The following AHNAK2 variants were observed in gnomAD, a reference collection of about 807,000 sequenced individuals.
The protein encoded by AHNAK2 is AHNAK nucleoprotein 2, also known as protein AHNAK2.
Under a neutral mutation model 30.7 loss-of-function variants are expected in AHNAK2, and 18 were observed. That is an observed-to-expected ratio of 0.59 (90% CI 0.41 to 0.87). The LOEUF (loss-of-function observed/expected upper bound fraction) is 0.87, where lower values mean the gene tolerates loss of function less well. Among genes scored for constraint, AHNAK2 ranks in the 40% least tolerant of loss-of-function variants. AHNAK2 has a pLI of 0.00. For missense variants in AHNAK2, 8,604 were observed against 7,373.0 expected, an observed-to-expected ratio of 1.17 and a Z score of -6.11; for synonymous variants, 3,590 against 3,073.8, an observed-to-expected ratio of 1.17 and a Z score of -5.56.
At position 104,952,419 on chromosome 14, in the gene AHNAK2, G is replaced by A. The variant is rs751041412; in HGVS notation, c.3032C>T (p.Ser1011Leu). ...PKFKMPSFGV[S>L]APGKSIKALV... Reference sequence around the variant, plus strand: ...GGCCTTGATGGACTTCCCTGGGGCCGATACCCCGAACGACGGCATCTTGAA... The same window carrying A: ...GGCCTTGATGGACTTCCCTGGGGCCAATACCCCGAACGACGGCATCTTGAA... The change falls in exon 7 of 7, where the codon TCG (serine) becomes TTG (leucine). Residue 1011 changes from serine (S) to leucine (L), a missense_variant. Coordinates refer to ENST00000333244, the MANE Select transcript of AHNAK2 (RefSeq NM_138420.4). 85 of 1,612,558 alleles carry A rather than the reference G, an allele frequency of 5.3e-5. 2 individuals are homozygous for A. In the South Asian group the frequency reaches 6.6e-4, roughly 13 times the overall value.
intron 1 of AHNAK2, among the ~76,000 whole-genome samples, chr14:104,976,350 C>T (rs1016568241): frequency 9.2e-5 from 14 of 152,108 alleles, no homozygotes; most frequent in Non-Finnish European, 1.5e-4. Flanking sequence ...CCTGGTGTGT[C>T]GGGCAGAGGG....
At chr14:104,976,025 G>A (rs1011420538) in intron 1 of AHNAK2, among the ~76,000 whole-genome samples, 6 of 152,152 alleles carry the variant, frequency 3.9e-5, no homozygotes, top group African/African-American at 1.4e-4. Context: ...ACCACCTGGG[G>A]CCTTCCCAAC....
intron 1 of AHNAK2, among the ~76,000 whole-genome samples, chr14:104,971,396 C>T (rs1156417766): frequency 6.6e-6 from 1 of 152,144 alleles, no homozygotes; most frequent in Non-Finnish European, 1.5e-5. Flanking sequence ...GCTGCAGGCA[C>T]ACACCAGCAC....
In AHNAK2 at chr14:104,954,637, C is replaced by G; in HGVS notation, c.814G>C (p.Gly272Arg). The G allele has an allele frequency of 6.2e-7, 1 of 1,612,778 alleles. No individual in the cohort carries two copies. Among genetic ancestry groups the G allele is most frequent in the Non-Finnish European group, 8.5e-7 (1 of 1,179,690 alleles). Residue 272 changes from glycine to arginine, a missense_variant, in exon 7 of 7, where the codon GGG becomes CGG. Physicochemically the swap from Gly to Arg is moderately radical, Grantham distance 125. Transcript: ENST00000333244. The surrounding 1 kb of genome is among the most constrained non-coding windows in gnomAD (Gnocchi z 4.3). ...CTGTGTGACCTCTGGGGTCCCGGCC[C>G]CCGCTTGCTCTTTATGGATTGAAAT... ...PKFQSIKSKRGPGPQRSHSSS... is the reference protein window; with the variant it reads ...PKFQSIKSKRRPGPQRSHSSS...
chr14:104,976,851 C>A (rs898807666), intron 1 of AHNAK2, among the ~76,000 whole-genome samples: 2 of 152,224 alleles, frequency 1.3e-5, no homozygotes, highest in Non-Finnish European at 2.9e-5. Flanking sequence ...GGGGGCCCTG[C>A]CCTTCTCCCT....
rs759746464 is a variant in AHNAK2 at position 104,942,718 on chromosome 14, G to C, written c.12733C>G (p.Leu4245Val). ...ATCACATCCGCCTTGGGGCCTTTCA[G>C]GTCCAGCTTGGGGCCCTTGACATCC... The part of the protein sequence containing the change: ...QVDVKGPKLD[L>V]KGPKADVMTP... The change falls in exon 7 of 7, where the codon CTG becomes GTG. Residue 4245 changes from leucine to valine, a missense_variant. Physicochemically the swap from Leu to Val is conservative, Grantham distance 32. Transcript: ENST00000333244. The C allele has an allele frequency of 1.9e-6, 3 of 1,613,318 alleles. No individual in the cohort carries two copies. The highest frequency in any genetic ancestry group is 1.1e-5 in the South Asian group (1 of 91,064).
In AHNAK2 at chr14:104,938,376, T is replaced by A. The variant is rs535748399; in HGVS notation, c.17075A>T (p.Glu5692Val). Residue 5692 changes from glutamate to valine, a missense_variant, in exon 7 of 7, where the codon GAG becomes GTG. Physicochemically the swap from Glu to Val is moderately radical, Grantham distance 121. Coordinates refer to ENST00000333244, the MANE Select transcript of AHNAK2 (RefSeq NM_138420.4). ...RPEAELPKKQEKAGWFRFPKL... is the reference protein window; with the variant it reads ...RPEAELPKKQVKAGWFRFPKL... ...GGGAAATCGGAACCAGCCTGCCTTC[T>A]CCTGTTTTTTAGGCAGTTCTGCCTC... is the stretch of plus-strand genomic sequence containing the variant. The A allele has an allele frequency of 6.2e-7, 1 of 1,613,956 alleles. No individual in the cohort carries two copies. Among genetic ancestry groups the A allele is most frequent in the Admixed American group, 1.7e-5 (1 of 60,010 alleles).
In AHNAK2 at chr14:104,938,643, C is replaced by T; in HGVS notation, c.16808G>A (p.Cys5603Tyr). Residue 5603 changes from cysteine (C) to tyrosine (Y), a missense_variant, in exon 7 of 7, where the codon TGT (cysteine) becomes TAT (tyrosine). Physicochemically the swap from Cys to Tyr is radical, Grantham distance 194. Coordinates refer to ENST00000333244, the MANE Select transcript of AHNAK2 (RefSeq NM_138420.4). ...AATTTCTGCTGGCTCCTCATCTGAA[C>T]AGCTGTCTGCAAGCTGGTGGCCAGA... Reference protein sequence around the residue: ...VPSGHQLADSCSDEEPAEILE... With the variant: ...VPSGHQLADSYSDEEPAEILE... The T allele has an allele frequency of 6.2e-7, 1 of 1,612,294 alleles. No individual in the cohort carries two copies.
rs138096840 is a variant in AHNAK2 at position 104,942,181 on chromosome 14, C to A, written c.13270G>T (p.Val4424Leu). Reference sequence around the variant, plus strand: ...TCCACCTCCATGCTGGGCAGAGACACGTCCAGGTTGGGGGACGTCACCTCC... The same window carrying A: ...TCCACCTCCATGCTGGGCAGAGACAAGTCCAGGTTGGGGGACGTCACCTCC... ...KVEVTSPNLD[V>L]SLPSMEVDIQ... Residue 4424 changes from valine to leucine, a missense_variant, in exon 7 of 7, where the codon GTG becomes TTG. Val to Leu is a conservative substitution (Grantham distance 32, BLOSUM62 1). Coordinates refer to ENST00000333244, the MANE Select transcript of AHNAK2 (RefSeq NM_138420.4). The A allele has an allele frequency of 6.2e-7, 1 of 1,612,852 alleles. No individual in the cohort carries two copies. Among genetic ancestry groups the A allele is most frequent in the African/African-American group, 1.3e-5 (1 of 74,578 alleles).
In AHNAK2 at chr14:104,946,788, T is replaced by G; in HGVS notation, c.8663A>C (p.Glu2888Ala). 1.9e-6 allele frequency: 3 copies of G among 1,612,664 alleles called. No individual in the cohort carries two copies. The highest frequency in any genetic ancestry group is 1.7e-6 in the Non-Finnish European group (2 of 1,179,594). The change falls in exon 7 of 7, where the codon GAG becomes GCG. Residue 2888 changes from glutamate (E) to alanine (A), a missense_variant. Glu to Ala is a moderately radical substitution (Grantham distance 107). Coordinates refer to ENST00000333244, the MANE Select transcript of AHNAK2 (RefSeq NM_138420.4). ...DVKLPEGHVP[E>A]GAGLKGHLPK... Reference sequence around the variant, plus strand: ...CAGGTGCCCTTTGAGGCCGGCTCCCTCGGGAACGTGGCCCTCTGGGAGTTT... The same window carrying G: ...CAGGTGCCCTTTGAGGCCGGCTCCCGCGGGAACGTGGCCCTCTGGGAGTTT...
Position 104,938,013 on chromosome 14 carries a change from C to G in AHNAK2, c.*50G>C. On this transcript the variant is annotated 3_prime_UTR_variant, in exon 7 of 7. Transcript: ENST00000333244. ...GCTCCATATGTGTGTGTAGCCTTTA[C>G]TTTCCAACTTAGTTTTTTGCATCTC... is the stretch of plus-strand genomic sequence containing the variant. 6.4e-7 allele frequency: 1 copy of G among 1,569,438 alleles called. No homozygotes were observed. Among genetic ancestry groups the G allele is most frequent in the South Asian group, 1.2e-5 (1 of 83,484 alleles).
rs1898320128 is a variant in AHNAK2 at position 104,947,069 on chromosome 14, C to T, written c.8382G>A (p.Arg2794=). The change falls in exon 7 of 7, where the codon CGG becomes CGA. Residue 2794 remains arginine (R), a synonymous_variant. Transcript: ENST00000333244. ...CGGCCAGGGACAGGTCCCCCTCCAG[C>T]CGCGCACCATCCAGCTTTGCTCTCG... ...QAPRAKLDGA[R]LEGDLSLADK... 1.2e-6 allele frequency: 2 copies of T among 1,612,606 alleles called. No homozygotes were observed. The highest frequency in any genetic ancestry group is 8.5e-7 in the Non-Finnish European group (1 of 1,179,638).
Position 104,947,373 on chromosome 14 carries a change from G to A in AHNAK2, c.8078C>T (p.Thr2693Ile). ...SLPSMQGDLK[T>I]TDISIQPPSA... ...GGGGGGCTGAATGCTGATGTCAGTG[G>A]TCTTAAGGTCCCCTTGCATGGAGGG... Residue 2693 changes from threonine to isoleucine, a missense_variant, in exon 7 of 7, where the codon ACC becomes ATC. By Grantham distance (89) the Thr-to-Ile change is moderately conservative. Coordinates refer to ENST00000333244, the MANE Select transcript of AHNAK2 (RefSeq NM_138420.4). 1 of 1,612,548 alleles carries A rather than the reference G, an allele frequency of 6.2e-7. No individual in the cohort carries two copies. Among genetic ancestry groups the A allele is most frequent in the Non-Finnish European group, 8.5e-7 (1 of 1,179,566 alleles).
rs770112172 is a variant in AHNAK2 at position 104,946,148 on chromosome 14, G to A, written c.9303C>T (p.Asp3101=). 31 of 1,611,934 alleles carry A rather than the reference G, an allele frequency of 1.9e-5. No individual in the cohort carries two copies. Among genetic ancestry groups the A allele is most frequent in the East Asian group, 8.9e-5 (4 of 44,774 alleles). The change falls in exon 7 of 7, where the codon GAC becomes GAT. Residue 3101 remains aspartate (D), a synonymous_variant. Transcript: ENST00000333244. ...KGPKTDVTAP[D]VEVSQPGMEV... ...CCATGCCGGGCTGAGACACCTCCAC[G>A]TCGGGGGCCGTCACGTCCGTCTTCG...
At chr14:104,977,747 C>A (rs1241155379) in intron 1 of AHNAK2, among the ~76,000 whole-genome samples, 3 of 152,174 alleles carry the variant, frequency 2.0e-5, no homozygotes, top group East Asian at 3.9e-4. Flanking sequence ...CCGGCGGCCC[C>A]GGCTTTCACG....
intron 4 of AHNAK2, 119 bp downstream of exon 4, chr14:104,956,469 G>C (rs1208860474): frequency 1.0e-6 from 1 of 986,748 alleles, no homozygotes; most frequent in Non-Finnish European, 1.6e-6. Flanking sequence ...CCTCCCCAGG[G>C]CACGGGGCAC....
In AHNAK2 at chr14:104,944,395, G is replaced by A; in HGVS notation, c.11056C>T (p.Leu3686Phe). The change falls in exon 7 of 7, where the codon CTC (leucine) becomes TTC (phenylalanine). Residue 3686 changes from leucine to phenylalanine, a missense_variant. Physicochemically the swap from Leu to Phe is conservative, Grantham distance 22. Transcript: ENST00000333244. ...TCGGCAGAAGGGGGCTGAATGCTGA[G>A]GTCAGTGGTCTTCAGGTCCCCCTGC... ...SMQGDLKTTD[L>F]SIQPPSADLK... 6.2e-7 allele frequency: 1 copy of A among 1,612,618 alleles called. No individual in the cohort carries two copies. Among genetic ancestry groups the A allele is most frequent in the Non-Finnish European group, 8.5e-7 (1 of 1,179,474 alleles).
chr14:104,948,434 G>T lies in AHNAK2; in HGVS notation c.7017C>A (p.Ala2339=), dbSNP rs1427901059. 2.5e-6 allele frequency: 4 copies of T among 1,610,898 alleles called. No individual in the cohort carries two copies. Among genetic ancestry groups the T allele is most frequent in the African/African-American group, 2.7e-5 (2 of 73,814 alleles). The change falls in exon 7 of 7, where the codon GCC becomes GCA. Residue 2339 remains alanine (A), a synonymous_variant. Coordinates refer to ENST00000333244, the MANE Select transcript of AHNAK2 (RefSeq NM_138420.4). Reference sequence around the variant, plus strand: ...CCTTCAACGCAGACACATCCGCTGAGGCCTCGATGGACTTGCCAAGGGCAG... The same window carrying T: ...CCTTCAACGCAGACACATCCGCTGATGCCTCGATGGACTTGCCAAGGGCAG... ...GVSALGKSIE[A]SADVSALKVE... is the part of the protein sequence containing the mutation.
At position 104,945,194 on chromosome 14, in the gene AHNAK2, G is replaced by A. The variant is rs779355912; in HGVS notation, c.10257C>T (p.Asp3419=). ...TCACTTCCGCCTTGGGGACTTTTAG[G>A]TCCAGCTTGGGGCCCTTGATGTCCA... ...PQVDIKGPKL[D]LKVPKAEVTV... Residue 3419 remains aspartate (D), a synonymous_variant, in exon 7 of 7, where the codon GAC becomes GAT. Coordinates refer to ENST00000333244, the MANE Select transcript of AHNAK2 (RefSeq NM_138420.4). 36 of 1,612,958 alleles carry A rather than the reference G, an allele frequency of 2.2e-5. No homozygotes were observed. The highest frequency in any genetic ancestry group is 3.1e-5 in the Non-Finnish European group (36 of 1,179,640).
Sources: gnomAD v4.1 joint callset for allele counts (sites outside exome capture counted in the v4.1 genomes callset) on GRCh38, gnomAD v4.1.1 for gene constraint, Gnocchi (gnomAD v3.1) non-coding constraint, MANE v1.5 for transcripts, NCBI Gene and HGNC (gene_info 2026-07-23, HGNC 2026-07-21) for gene names.